ACTA2: variants seen among roughly 807,000 people sequenced by gnomAD.
ACTA2 encodes the protein actin alpha 2, smooth muscle.
Under a neutral mutation model 39.5 loss-of-function variants are expected in ACTA2, and 12 were observed. The ratio of observed to expected loss-of-function variants is 0.30; its 90% confidence interval spans 0.19 to 0.49. The LOEUF is 0.49. Among genes scored for constraint, ACTA2 ranks in the 20% least tolerant of loss-of-function variants. The pLI is 0.99. For missense variants in ACTA2, 236 were observed against 498.8 expected (o/e 0.47, Z 5.02); for synonymous variants, 158 against 180.6 (o/e 0.88, Z 1.00).
At chr10:88,965,190 A>G (rs1846298876) in intron 1 of ACTA2, among the ~76,000 whole-genome samples, 2 of 152,146 alleles carry the variant, frequency 1.3e-5, no homozygotes, top group South Asian at 4.1e-4. Flanking sequence ...GTAAGCTCTT[A>G]TATTTTCTCA....
At chr10:88,987,689 C>T (rs1384947978) in intron 1 of ACTA2, among the ~76,000 whole-genome samples, 1 of 151,958 alleles carries the variant, frequency 6.6e-6, no homozygotes, top group African/African-American at 2.4e-5. Context: ...AGCCAAGTCA[C>T]ATTTCCCACC....
rs376591116 is a variant in ACTA2, at chr10:88,990,956, G to C, written c.-41C>G. ...AGGCTTACCCCGTCTTAGTCCCGGGGATAGGCAAAGTGGGGCGGGCGCGGG... is the reference window on the plus strand; with the variant it reads ...AGGCTTACCCCGTCTTAGTCCCGGGCATAGGCAAAGTGGGGCGGGCGCGGG... On this transcript the variant is annotated 5_prime_UTR_variant, in exon 1 of 5. Coordinates refer to the ACTA2 transcript ENST00000415557. This position sits in a 1 kb window ranked among gnomAD's most constrained non-coding sequence, Gnocchi z 4.9. 44 of 1,613,366 alleles carry C rather than the reference G, an allele frequency of 2.7e-5. No homozygotes were observed. The highest frequency in any genetic ancestry group is 3.7e-5 in the Non-Finnish European group (44 of 1,179,458).
At chr10:88,984,771 A>T (rs1444267446) in intron 1 of ACTA2, among the ~76,000 whole-genome samples, 1 of 152,224 alleles carries the variant, frequency 6.6e-6, no homozygotes, top group Admixed American at 6.5e-5. Context: ...CTAGAGTGAG[A>T]GAAAGAGAGA....
At chr10:88,978,983 ACCT>A (rs1846642614) in intron 1 of ACTA2, among the ~76,000 whole-genome samples, 1 of 151,796 alleles carries the variant, frequency 6.6e-6, no homozygotes, top group South Asian at 2.1e-4. Flanking sequence ...TCTATGAATT[ACCT>A]CCTTTCATCC....
At chr10:88,973,401 G>A (rs529840168) in intron 1 of ACTA2, 26 of 1,340,656 alleles carry the variant, frequency 1.9e-5, no homozygotes, top group Admixed American at 8.1e-5. Context: ...TAGAGTTCCC[G>A]ATGAAAACAA....
chr10:88,983,209 G>A (rs1359605463), intron 1 of ACTA2, among the ~76,000 whole-genome samples: 1 of 152,136 alleles, frequency 6.6e-6, no homozygotes, highest in Non-Finnish European at 1.5e-5. Flanking sequence ...ATTCTTAGAG[G>A]AGTGAACATA....
chr10:88,946,254 A>C (rs372049733), intron 3 of ACTA2, among the ~76,000 whole-genome samples: 2 of 144,496 alleles, frequency 1.4e-5, no homozygotes, highest in East Asian at 4.1e-4. Flanking sequence ...GTTGCATGCC[A>C]CCACACACTG....
At chr10:88,980,548 G>A (rs1846685571) in intron 1 of ACTA2, among the ~76,000 whole-genome samples, 1 of 145,784 alleles carries the variant, frequency 6.9e-6, no homozygotes, top group Admixed American at 6.6e-5. Flanking sequence ...GGAAGGCAAG[G>A]AATGTTCTTA....
chr10:88,972,506 TTTG>T (rs541339829), intron 1 of ACTA2, among the ~76,000 whole-genome samples: 34 of 152,320 alleles, frequency 2.2e-4, no homozygotes, highest in African/African-American at 7.2e-4. Context: ...TTTTGCCTTT[TTTG>T]TTGTTCTCTT....
intron 1 of ACTA2, among the ~76,000 whole-genome samples, chr10:88,987,058 CTTTCCCAA>C: frequency 6.6e-6 from 1 of 152,172 alleles, no homozygotes; most frequent in Non-Finnish European, 1.5e-5. Flanking sequence ...CTCTCTCTTC[CTTTCCCAA>C]GAACCCATAC....
chr10:88,949,071 CTCT>C, intron 1 of ACTA2, 118 bp from the exon 2 acceptor site: 1 of 884,040 alleles, frequency 1.1e-6, no homozygotes, highest in Admixed American at 2.0e-5. Flanking sequence ...TAGTGCTATC[CTCT>C]GACCCTTATC....
In ACTA2 at chr10:88,937,917, A is replaced by G. The variant is rs1349926785; in HGVS notation, c.990+144T>C. On this transcript the variant is annotated intron_variant, in intron 8 of 8. Transcript: ENST00000224784. Reference sequence around the variant, plus strand: ...TGAACTAGATTGACTTACATCCTGTAAAATATGAGATTTGTGTCCATTACC... The same window carrying G: ...TGAACTAGATTGACTTACATCCTGTGAAATATGAGATTTGTGTCCATTACC... The G allele has an allele frequency of 3.1e-5, 27 of 881,546 alleles. No homozygotes were observed. In the East Asian group the frequency reaches 6.6e-4, roughly 22 times the overall value. 54.6% of individuals were successfully genotyped at this position (881,546 alleles called of 1,614,324 possible).
intron 8 of ACTA2, among the ~76,000 whole-genome samples, chr10:88,937,281 T>C (rs1845760036): frequency 6.6e-6 from 1 of 152,178 alleles, no homozygotes; most frequent in Non-Finnish European, 1.5e-5. Flanking sequence ...AGATAATTTG[T>C]TTAAATACCC....
rs143144340 is a variant in ACTA2 at position 88,984,472 on chromosome 10, C to A, written c.-24+6467G>T. Among the ~76,000 whole-genome samples the A allele has an allele frequency of 3.4e-3, 513 of 152,278 alleles. 1 individual carries two copies. The highest frequency in any genetic ancestry group is 0.012 in the African/African-American group (494 of 41,542). ...CACACTAGTGTCATATGTCAAGTGG[C>A]AAATGACACTAGCACCAAATGTGAT... On this transcript the variant is annotated intron_variant, in intron 1 of 4. Coordinates refer to the ACTA2 transcript ENST00000415557.
intron 8 of ACTA2, among the ~76,000 whole-genome samples, chr10:88,937,730 T>C (rs1845768742): frequency 1.3e-5 from 2 of 152,200 alleles, no homozygotes; most frequent in Non-Finnish European, 2.9e-5. Flanking sequence ...GTTACATGCA[T>C]GATGCACTAT....
Position 88,976,489 on chromosome 10 carries a change from T to A in ACTA2, c.-24+14450A>T, listed in dbSNP as rs188008536. Among the ~76,000 whole-genome samples the A allele has an allele frequency of 4.4e-4, 67 of 152,348 alleles. No homozygotes were observed. The East Asian group carries it at 9.1e-3, about 21-fold the overall frequency. ...GGAGAAAATTAGTACATTAATTACA[T>A]TTGAATAGTCCTTCCATTGTACTGA... On this transcript the variant is annotated intron_variant, in intron 1 of 4. Transcript: ENST00000415557.
At chr10:88,953,637 C>T (rs915079319), upstream of ACTA2, among the ~76,000 whole-genome samples, 1 of 152,176 alleles carries the variant, frequency 6.6e-6, no homozygotes, top group East Asian at 1.9e-4. Flanking sequence ...TGGTTTGGTT[C>T]TACGTCCCCA....
chr10:88,937,130 C>T (rs968096566), intron 8 of ACTA2, among the ~76,000 whole-genome samples: 3 of 146,256 alleles, frequency 2.1e-5, no homozygotes, highest in Non-Finnish European at 4.6e-5. Flanking sequence ...AAAACAGTCT[C>T]TCTTCTCTCA....
chr10:88,957,908 C>T (rs1307727037), intron 1 of ACTA2, among the ~76,000 whole-genome samples: 1 of 152,150 alleles, frequency 6.6e-6, no homozygotes, highest in Non-Finnish European at 1.5e-5. Flanking sequence ...GCTGGAATTA[C>T]AGGCACCTGC....
Sources: gnomAD v4.1 joint callset for allele counts (sites outside exome capture counted in the v4.1 genomes callset) on GRCh38, gnomAD v4.1.1 for gene constraint, Gnocchi (gnomAD v3.1) non-coding constraint, MANE v1.5 for transcripts, NCBI Gene and HGNC (gene_info 2026-07-23, HGNC 2026-07-21) for gene names.